The following RHBDF2 variants were observed in gnomAD, a reference collection of about 807,000 sequenced individuals.
RHBDF2 encodes the protein rhomboid 5 homolog 2.
RHBDF2 carries 38 observed loss-of-function variants against 95.2 expected under a neutral mutation model. The observed-to-expected ratio is 0.40, with a 90% CI of 0.31 to 0.52. RHBDF2 has a LOEUF of 0.52. RHBDF2 is among the 20% of genes least tolerant of loss of function. The pLI is 0.56. For missense variants in RHBDF2, 863 were observed against 1,137.7 expected (o/e 0.76, Z 3.47); for synonymous variants, 442 against 462.0 (o/e 0.96, Z 0.55).
At chr17:76,473,439 T>C in intron 15 of RHBDF2, 112 bp from the exon 16 acceptor site, 1 of 1,084,992 alleles carries the variant, frequency 9.2e-7, no homozygotes, top group Non-Finnish European at 1.4e-6. Flanking sequence ...GGAAGGGGGA[T>C]GCCGCATCCA....
chr17:76,488,137 T>C (rs1018311834), intron 1 of RHBDF2: 6 of 152,352 alleles, frequency 3.9e-5, no homozygotes, highest in South Asian at 2.1e-4. Context: ...GGGAACCTGA[T>C]TGGAGCAGAA....
At chr17:76,478,736 G>T in intron 6 of RHBDF2, 70 bp downstream of exon 6, 1 of 1,300,324 alleles carries the variant, frequency 7.7e-7, no homozygotes, top group Non-Finnish European at 1.1e-6. Flanking sequence ...GCTACTATGA[G>T]GAGTGGAAGG....
At chr17:76,488,665 G>A (rs1276812745) in intron 1 of RHBDF2, among the ~76,000 whole-genome samples, 2 of 151,806 alleles carry the variant, frequency 1.3e-5, no homozygotes, top group Non-Finnish European at 2.9e-5. Context: ...AAAATTAGCC[G>A]GGGCTGGGTG....
rs143587407 is a variant in RHBDF2, at chr17:76,474,781, G to T, written c.1251C>A (p.Tyr417Ter). 1 of 1,614,138 alleles carries T rather than the reference G, an allele frequency of 6.2e-7. No individual in the cohort carries two copies. The highest frequency in any genetic ancestry group is 8.5e-7 in the Non-Finnish European group (1 of 1,180,014). The change falls in exon 11 of 19, where the codon TAC becomes TAA. Residue 417 changes from tyrosine to a stop codon, truncating the protein, a stop_gained. Coordinates refer to ENST00000675367, the MANE Select transcript of RHBDF2 (RefSeq NM_001005498.4). LOFTEE classifies it high-confidence loss of function. ...CCTGCTGGATGTACTTCACGCTCTC[G>T]TACACACCTTTGTTCCGCAGCACCT... ...TQLVLRNKGVYESVKYIQQEN... is the reference protein window; with the variant it reads ...TQLVLRNKGV
At chr17:76,490,795 C>A (rs1293455771) in intron 1 of RHBDF2, among the ~76,000 whole-genome samples, 1 of 152,208 alleles carries the variant, frequency 6.6e-6, no homozygotes, top group African/African-American at 2.4e-5. Context: ...GCCTGGCACA[C>A]CAGGCTCCAC....
At chr17:76,498,767 C>T (rs1462200812) in intron 1 of RHBDF2, among the ~76,000 whole-genome samples, 3 of 145,434 alleles carry the variant, frequency 2.1e-5, no homozygotes, top group African/African-American at 7.4e-5. Flanking sequence ...AAAAGTCCCC[C>T]TCCTGGGCTG....
At chr17:76,477,917 C>T (rs1048467121) in intron 6 of RHBDF2, 132 bp from the exon 7 acceptor site, 30 of 1,372,274 alleles carry the variant, frequency 2.2e-5, no homozygotes, top group East Asian at 1.7e-4. Flanking sequence ...CTGCCCAAAG[C>T]GTGGAGATTC....
chr17:76,483,307 A>G (rs1411555700), intron 2 of RHBDF2, among the ~76,000 whole-genome samples: 1 of 150,070 alleles, frequency 6.7e-6, no homozygotes, highest in African/African-American at 2.5e-5. Context: ...TTTTTTTGTG[A>G]TGGGGTCTCA....
chr17:76,499,894 C>A (rs1220903208), intron 1 of RHBDF2, among the ~76,000 whole-genome samples: 3 of 151,860 alleles, frequency 2.0e-5, no homozygotes, highest in African/African-American at 7.2e-5. Flanking sequence ...GCCTGGGCTG[C>A]AAGGGGGTCC....
At chr17:76,498,848 G>A (rs899916565) in intron 1 of RHBDF2, among the ~76,000 whole-genome samples, 1 of 148,852 alleles carries the variant, frequency 6.7e-6, no homozygotes, top group Admixed American at 6.8e-5. Context: ...CTGTGTGTTT[G>A]TGTGTGTCTC....
rs975344724 is a variant in RHBDF2, at chr17:76,489,417, G to A, written c.-219-1508C>T. 5.4e-5 allele frequency among the ~76,000 whole-genome samples: 8 copies of A among 146,870 alleles called. No homozygotes were observed. The East Asian group carries it at 8.5e-4, about 16-fold the overall frequency. On this transcript the variant is annotated intron_variant, in intron 1 of 18. Transcript: ENST00000675367. ...CAGCTCCCTTCAAGCACCGCCTCCC[G>A]GGTTCACGCCATTCTCCTGCCTCAG...
At chr17:76,483,436 C>T (rs2074029664) in intron 2 of RHBDF2, among the ~76,000 whole-genome samples, 1 of 152,124 alleles carries the variant, frequency 6.6e-6, no homozygotes, top group Non-Finnish European at 1.5e-5. Context: ...CGGGCATGCG[C>T]CACCACGCCC....
intron 1 of RHBDF2, among the ~76,000 whole-genome samples, chr17:76,499,860 T>G (rs752640777): frequency 6.6e-6 from 1 of 151,462 alleles, no homozygotes; most frequent in East Asian, 1.9e-4. Context: ...TCCTGGGAGA[T>G]TGCCCTGGGG....
chr17:76,500,247 T>C (rs368126274), intron 1 of RHBDF2, among the ~76,000 whole-genome samples: 8 of 152,150 alleles, frequency 5.3e-5, no homozygotes, highest in African/African-American at 1.7e-4. Flanking sequence ...TCTGGTAGCG[T>C]CCCTGGCCTC....
chr17:76,481,492 C>T lies in RHBDF2; in HGVS notation c.33G>A (p.Val11=), dbSNP rs968312549. The T allele has an allele frequency of 5.0e-6, 8 of 1,605,692 alleles. No homozygotes were observed. In the African/African-American group the frequency reaches 1.1e-4, roughly 21 times the overall value. MASADKNGGS[V]SSVSSSRLQS... ...GCAGGCGGCTGCTGGACACAGAGGA[C>T]ACGCTCCCGCCATTCTTGTCAGCAG... The change falls in exon 3 of 19, where the codon GTG becomes GTA. Residue 11 remains valine, a synonymous_variant. Coordinates refer to ENST00000675367, the MANE Select transcript of RHBDF2 (RefSeq NM_001005498.4).
Position 76,480,382 on chromosome 17 carries a change from C to T in RHBDF2, c.151-528G>A, listed in dbSNP as rs867821389. Among the ~76,000 whole-genome samples the T allele has an allele frequency of 7.9e-5, 12 of 151,576 alleles. No individual in the cohort carries two copies. The East Asian group carries it at 2.1e-3, about 27-fold the overall frequency. On this transcript the variant is annotated intron_variant, in intron 3 of 18. Transcript: ENST00000675367. ...GATTACAGGCATGAGCTACCATGCC[C>T]GGCCTATATATATATTTTTTGGGAC...
intron 1 of RHBDF2, among the ~76,000 whole-genome samples, chr17:76,488,531 A>T (rs4789303): frequency 2.0e-5 from 3 of 151,766 alleles, no homozygotes; most frequent in Non-Finnish European, 2.9e-5. Flanking sequence ...ATTTTTGGGC[A>T]GGGTGCAGGC....
chr17:76,486,588 C>CAT (rs1252973132), intron 2 of RHBDF2, among the ~76,000 whole-genome samples: 10 of 151,998 alleles, frequency 6.6e-5, no homozygotes, highest in African/African-American at 2.4e-4. Context: ...GTGGTGCGTG[C>CAT]ATATAGTCCC....
chr17:76,490,896 G>A (rs150486504), intron 1 of RHBDF2, among the ~76,000 whole-genome samples: 4 of 152,208 alleles, frequency 2.6e-5, no homozygotes, highest in East Asian at 1.9e-4. Context: ...CCAGCATCTC[G>A]CGGATTTACC....
Sources: gnomAD v4.1 joint callset for allele counts (sites outside exome capture counted in the v4.1 genomes callset) on GRCh38, gnomAD v4.1.1 for gene constraint, MANE v1.5 for transcripts, NCBI Gene and HGNC (gene_info 2026-07-23, HGNC 2026-07-21) for gene names.